Variants in RAP1GDS1 observed in about 807,000 individuals in gnomAD.
RAP1GDS1 encodes RAP1, GTP-GDP dissociation stimulator 1.
A neutral mutation model predicts 71.1 loss-of-function variants in RAP1GDS1; 35 were observed. That is an observed-to-expected ratio of 0.49 (90% CI 0.38 to 0.65). The LOEUF is 0.65. Ranked by LOEUF, RAP1GDS1 falls within the 30% of genes least tolerant of loss-of-function variation. The probability of loss-of-function intolerance (pLI) is 0.00; values close to 1 mark genes in which losing one functional copy is unlikely to be tolerated. For missense variants in RAP1GDS1, 663 were observed against 706.1 expected, an observed-to-expected ratio of 0.94 and a Z score of 0.69; for synonymous variants, 229 against 243.1, an observed-to-expected ratio of 0.94 and a Z score of 0.54.
At position 98,433,924 on chromosome 4, in the gene RAP1GDS1, T is replaced by G; in HGVS notation, c.1441-12T>G. The G allele has an allele frequency of 1.9e-6, 3 of 1,592,524 alleles. No homozygotes were observed. The highest frequency in any genetic ancestry group is 2.6e-6 in the Non-Finnish European group (3 of 1,162,414). ...ATTAAAGTCTATAATTCTCTGATAT[T>G]ATTTATTGTAGGATGTAATTAAAAC... On this transcript the variant is annotated splice_polypyrimidine_tract_variant and intron_variant, in intron 12 of 14. Coordinates refer to ENST00000408927, the MANE Select transcript of RAP1GDS1 (RefSeq NM_001100427.2).
intron 2 of RAP1GDS1, among the ~76,000 whole-genome samples, chr4:98,294,060 GATAA>G (rs1354002183): frequency 6.6e-6 from 1 of 152,074 alleles, no homozygotes; most frequent in Admixed American, 6.6e-5. Context: ...TCTTTGATGT[GATAA>G]ATAATGCTAG....
intron 12 of RAP1GDS1, 35 bp downstream of exon 12, chr4:98,421,429 T>G: frequency 6.5e-7 from 1 of 1,535,724 alleles, no homozygotes; most frequent in South Asian, 1.3e-5. Flanking sequence ...CTAGAAAACT[T>G]CAGAGTGTCT....
rs568359567 is a variant in RAP1GDS1, at chr4:98,335,605, A to T, written c.113-7534A>T. ...TTTCACATAAATGTAGCTTCTTTTT[A>T]AAAAAACTTATCTTTGAATGTTTAT... On this transcript the variant is annotated intron_variant, in intron 2 of 14. Coordinates refer to ENST00000408927, the MANE Select transcript of RAP1GDS1 (RefSeq NM_001100427.2). Among the ~76,000 whole-genome samples, 8 of 151,986 alleles carry T rather than the reference A, an allele frequency of 5.3e-5. No homozygotes were observed. The East Asian group carries it at 9.7e-4, about 18-fold the overall frequency.
intron 10 of RAP1GDS1, among the ~76,000 whole-genome samples, chr4:98,419,225 T>A (rs1268074885): frequency 1.3e-5 from 2 of 151,984 alleles, no homozygotes; most frequent in African/African-American, 4.8e-5. Context: ...CCAGCTGATT[T>A]TTTTTTTTTG....
chr4:98,429,537 A>G (rs145628852), intron 12 of RAP1GDS1, among the ~76,000 whole-genome samples: 2 of 152,250 alleles, frequency 1.3e-5, no homozygotes, highest in African/African-American at 2.4e-5. Flanking sequence ...GACTACAAAT[A>G]TGGTGCAGTG....
chr4:98,404,639 T>A (rs752887688), intron 7 of RAP1GDS1, 37 bp downstream of exon 7: 21 of 1,580,124 alleles, frequency 1.3e-5, no homozygotes, highest in Non-Finnish European at 1.6e-5. Context: ...TTTTTGATCA[T>A]GTATGCTTTA....
intron 4 of RAP1GDS1, among the ~76,000 whole-genome samples, chr4:98,373,172 CTT>C (rs1442055054): frequency 6.6e-6 from 1 of 152,170 alleles, no homozygotes; most frequent in Non-Finnish European, 1.5e-5. Context: ...TGAATTATCT[CTT>C]TTATTTGCTT....
rs566117266 is a variant in RAP1GDS1 at position 98,378,938 on chromosome 4, C to T, written c.362-79C>T. 8.7e-6 allele frequency: 11 copies of T among 1,264,628 alleles called. No homozygotes were observed. The African/African-American group carries it at 1.4e-4, about 17-fold the overall frequency. The allele number at this position is 1,264,628 out of a possible 1,614,324, so 78.3% of individuals were successfully genotyped here. ...TATTTATTCACAAAATAAAGAATAA[C>T]ACTGTTATGTTTTGTATTTGAAATT... On this transcript the variant is annotated intron_variant, in intron 4 of 14. Transcript: ENST00000408927.
intron 2 of RAP1GDS1, among the ~76,000 whole-genome samples, chr4:98,335,057 A>G (rs1734520291): frequency 6.6e-6 from 1 of 152,144 alleles, no homozygotes; most frequent in Admixed American, 6.5e-5. Flanking sequence ...TACTTGGTCC[A>G]TCAGTTAAAA....
chr4:98,280,007 A>G (rs901608642), intron 1 of RAP1GDS1, among the ~76,000 whole-genome samples: 1 of 152,134 alleles, frequency 6.6e-6, no homozygotes, highest in African/African-American at 2.4e-5. Flanking sequence ...CTAGTCTATC[A>G]TTGGTGGACA....
intron 4 of RAP1GDS1, among the ~76,000 whole-genome samples, chr4:98,377,953 A>T (rs1412062699): frequency 6.6e-6 from 1 of 151,828 alleles, no homozygotes; most frequent in Admixed American, 6.6e-5. Context: ...GATTTTGAAG[A>T]TATATTGTGA....
At chr4:98,416,226 T>A (rs1747961987) in intron 7 of RAP1GDS1, among the ~76,000 whole-genome samples, 1 of 151,650 alleles carries the variant, frequency 6.6e-6, no homozygotes, top group African/African-American at 2.4e-5. Flanking sequence ...CAATTTCAAA[T>A]GGAAATATGA....
At chr4:98,405,183 G>T (rs994864271) in intron 7 of RAP1GDS1, among the ~76,000 whole-genome samples, 13 of 152,130 alleles carry the variant, frequency 8.5e-5, no homozygotes, top group Non-Finnish European at 1.6e-4. Flanking sequence ...TTCAAAACAG[G>T]TGTGCTTATT....
chr4:98,434,809 CAG>C (rs1374892575), intron 13 of RAP1GDS1, among the ~76,000 whole-genome samples: 1 of 151,908 alleles, frequency 6.6e-6, no homozygotes, highest in Non-Finnish European at 1.5e-5. Context: ...TTTGTAGAGA[CAG>C]GGTTTCACCA....
intron 2 of RAP1GDS1, among the ~76,000 whole-genome samples, chr4:98,294,312 G>A (rs1279197936): frequency 6.6e-6 from 1 of 151,834 alleles, no homozygotes; most frequent in African/African-American, 2.4e-5. Context: ...CGTATATATT[G>A]TTAAGGTTTT....
At chr4:98,441,639 T>A in intron 14 of RAP1GDS1, 1 of 979,732 alleles carries the variant, frequency 1.0e-6, no homozygotes, top group Non-Finnish European at 1.2e-6. Context: ...CAGTGGCTCA[T>A]GACTGTCATC....
chr4:98,426,345 C>T (rs1372329216), intron 12 of RAP1GDS1, among the ~76,000 whole-genome samples: 1 of 151,816 alleles, frequency 6.6e-6, no homozygotes, highest in Non-Finnish European at 1.5e-5. Flanking sequence ...CAAACCCATA[C>T]CCAGCAGAAG....
At chr4:98,387,287 TAAC>T (rs1278892753) in intron 5 of RAP1GDS1, 1 of 360,878 alleles carries the variant, frequency 2.8e-6, no homozygotes, top group African/African-American at 2.1e-5. Context: ...ATAATCTTCT[TAAC>T]AAACTTATTT....
intron 1 of RAP1GDS1, among the ~76,000 whole-genome samples, chr4:98,279,523 ATTTT>A (rs33947440): frequency 1.3e-5 from 2 of 151,346 alleles, no homozygotes; most frequent in African/African-American, 4.9e-5. Flanking sequence ...ACCCAGAATA[ATTTT>A]TTTTGAGATG....
Sources: gnomAD v4.1 joint callset for allele counts (sites outside exome capture counted in the v4.1 genomes callset) on GRCh38, gnomAD v4.1.1 for gene constraint, MANE v1.5 for transcripts, NCBI Gene and HGNC (gene_info 2026-07-23, HGNC 2026-07-21) for gene names.